Variants in CDC42SE2 observed in about 807,000 individuals in gnomAD.
The protein encoded by CDC42SE2 is CDC42 small effector protein 2.
Under a neutral mutation model 11.5 loss-of-function variants are expected in CDC42SE2, and 3 were observed. The observed-to-expected ratio is 0.26, with a 90% confidence interval of 0.12 to 0.67. The LOEUF is 0.67. Among genes scored for constraint, CDC42SE2 ranks in the 30% least tolerant of loss-of-function variants. The pLI is 0.80. For synonymous variants in CDC42SE2, 33 were observed against 34.8 expected (o/e 0.95, Z 0.18); for missense variants, 82 against 106.8 (o/e 0.77, Z 1.02).
chr5:131,360,326 G>A (rs903889716), intron 3 of CDC42SE2, among the ~76,000 whole-genome samples: 7 of 152,132 alleles, frequency 4.6e-5, no homozygotes, highest in African/African-American at 1.7e-4. Context: ...CACCATGTTG[G>A]TCAGGCTGGT....
chr5:131,267,671 T>G (rs745869921), intron 1 of CDC42SE2, among the ~76,000 whole-genome samples: 2 of 152,182 alleles, frequency 1.3e-5, no homozygotes, highest in Non-Finnish European at 2.9e-5. Flanking sequence ...CCTGTGTAGA[T>G]CATGAGAGTT....
the CDC42SE2 span, among the ~76,000 whole-genome samples, chr5:131,222,433 A>G: frequency 6.6e-6 from 1 of 152,250 alleles, no homozygotes; most frequent in South Asian, 2.1e-4. Flanking sequence ...ACCTGAAATT[A>G]ATTAATATAT....
intron 3 of CDC42SE2, among the ~76,000 whole-genome samples, chr5:131,375,125 A>G (rs1750116094): frequency 6.6e-6 from 1 of 152,040 alleles, no homozygotes; most frequent in Admixed American, 6.5e-5. Context: ...AGAAGGAGAA[A>G]AAAACTGTTT....
chr5:131,248,856 CTTA>C (rs1181385241), intron 1 of CDC42SE2, among the ~76,000 whole-genome samples: 2 of 151,956 alleles, frequency 1.3e-5, no homozygotes, highest in African/African-American at 2.4e-5. Flanking sequence ...TGTAGGAAGA[CTTA>C]TTATTATGAA....
At chr5:131,267,937 T>C (rs1756904925) in intron 1 of CDC42SE2, among the ~76,000 whole-genome samples, 1 of 152,140 alleles carries the variant, frequency 6.6e-6, no homozygotes, top group African/African-American at 2.4e-5. Flanking sequence ...GAAAAATATT[T>C]TAACATTTTA....
chr5:131,372,519 C>T (rs1750039411), intron 3 of CDC42SE2, among the ~76,000 whole-genome samples: 1 of 151,990 alleles, frequency 6.6e-6, no homozygotes, highest in Non-Finnish European at 1.5e-5. Context: ...AAAGACCATC[C>T]TGGCTAACAC....
intron 4 of CDC42SE2, among the ~76,000 whole-genome samples, chr5:131,388,547 A>G (rs30736): frequency 0.23 from 34,527 of 152,084 alleles, 4,236 homozygotes; most frequent in East Asian, 0.49. Flanking sequence ...TAAATATATT[A>G]TTCTTCTACC....
intron 4 of CDC42SE2, 111 bp from the exon 5 acceptor site, chr5:131,390,882 C>T: frequency 3.4e-6 from 2 of 591,444 alleles, no homozygotes; most frequent in Non-Finnish European, 5.7e-6. Context: ...TATAAAAGTA[C>T]CCTTCTGAAA....
At chr5:131,387,860 C>G (rs186856626) in intron 4 of CDC42SE2, among the ~76,000 whole-genome samples, 1 of 152,174 alleles carries the variant, frequency 6.6e-6, no homozygotes, top group East Asian at 1.9e-4. Context: ...TATTTCAGCC[C>G]TTTAGAGCTA....
At position 131,392,522 on chromosome 5, in the gene CDC42SE2, TTTGATTGA is replaced by T. The variant is rs140214993; in HGVS notation, c.*1438_*1445del. The T allele has an allele frequency of 6.6e-6, 1 of 152,294 alleles. No individual in the cohort carries two copies. Among genetic ancestry groups the T allele is most frequent in the Non-Finnish European group, 1.5e-5 (1 of 68,018 alleles). The allele number at this position is 152,294 out of a possible 1,614,324, so 9.4% of individuals were successfully genotyped here. A position where few individuals can be genotyped will look rare whatever the true frequency, so the allele number is the denominator to read the frequency against. On this transcript the variant is annotated 3_prime_UTR_variant, in exon 5 of 5. Coordinates refer to ENST00000505065, the MANE Select transcript of CDC42SE2 (RefSeq NM_001375635.1). Reference sequence around the variant, plus strand: ...TTTAGAAGTATGACCTTTTGGTCTGTTTGATTGATTGATTAGAATTGCAATAAAAGAAA... The same window carrying T: ...TTTAGAAGTATGACCTTTTGGTCTGTTTGATTAGAATTGCAATAAAAGAAA...
At chr5:131,310,214 C>T (rs1309675236) in intron 1 of CDC42SE2, among the ~76,000 whole-genome samples, 4 of 151,912 alleles carry the variant, frequency 2.6e-5, no homozygotes, top group African/African-American at 9.7e-5. Context: ...ACCCAGTAGT[C>T]ATTCAGGAGC....
chr5:131,363,103 C>T (rs540655411), intron 3 of CDC42SE2, among the ~76,000 whole-genome samples: 19 of 151,818 alleles, frequency 1.3e-4, no homozygotes, highest in South Asian at 2.1e-4. Flanking sequence ...GAGATTGCGC[C>T]GCTGTGCTCC....
At chr5:131,251,729 A>G (rs916152624) in intron 1 of CDC42SE2, among the ~76,000 whole-genome samples, 3 of 152,154 alleles carry the variant, frequency 2.0e-5, no homozygotes, top group African/African-American at 7.2e-5. Flanking sequence ...AAAATAAACC[A>G]GGGGCTGGGT....
At chr5:131,380,764 A>G (rs547375154) in intron 3 of CDC42SE2, among the ~76,000 whole-genome samples, 181 of 152,236 alleles carry the variant, frequency 1.2e-3, no homozygotes, top group African/African-American at 4.3e-3. Flanking sequence ...GAAAAATTCA[A>G]TCTGTTCTCA....
chr5:131,391,846 A>ATATT lies in CDC42SE2; in HGVS notation c.*757_*760dup, dbSNP rs1158466216. ...TTTTATAGGGTTATTGTGAATTTCTATATTTTCTCTGTCCACTATTCTGTA... is the reference window on the plus strand; with the variant it reads ...TTTTATAGGGTTATTGTGAATTTCTATATTTATTTTCTCTGTCCACTATTCTGTA... On this transcript the variant is annotated 3_prime_UTR_variant, in exon 5 of 5. Transcript: ENST00000505065. The ATATT allele has an allele frequency of 6.6e-6, 1 of 152,246 alleles. No individual in the cohort carries two copies. The highest frequency in any genetic ancestry group is 1.5e-5 in the Non-Finnish European group (1 of 68,040). 9.4% of individuals were successfully genotyped at this position (152,246 alleles called of 1,614,324 possible). A position where few individuals can be genotyped will look rare whatever the true frequency, so the allele number is the denominator to read the frequency against.
intron 1 of CDC42SE2, among the ~76,000 whole-genome samples, chr5:131,276,076 T>C (rs1757094062): frequency 6.6e-6 from 1 of 151,970 alleles, no homozygotes; most frequent in South Asian, 2.1e-4. Flanking sequence ...TGTGAAGTTC[T>C]GGTATTTCAT....
the CDC42SE2 span, among the ~76,000 whole-genome samples, chr5:131,237,427 G>T: frequency 2.6e-5 from 4 of 151,986 alleles, no homozygotes; most frequent in Admixed American, 2.6e-4. Context: ...GTTCTTCTGG[G>T]TTGCCTTTCT....
intron 2 of CDC42SE2, among the ~76,000 whole-genome samples, chr5:131,350,925 A>T (rs974919427): frequency 2.6e-5 from 4 of 151,996 alleles, no homozygotes; most frequent in Admixed American, 6.6e-5. Context: ...AAGTAGACTG[A>T]ATGTTACTCA....
chr5:131,316,953 C>A (rs973130956), intron 2 of CDC42SE2, among the ~76,000 whole-genome samples: 1 of 152,138 alleles, frequency 6.6e-6, no homozygotes, highest in Non-Finnish European at 1.5e-5. Flanking sequence ...TTCTTTGTAG[C>A]CCCTTACAAG....
Sources: allele counts gnomAD v4.1 joint callset (sites outside exome capture counted in the v4.1 genomes callset), GRCh38; gene constraint gnomAD v4.1.1; transcripts MANE v1.5; gene names NCBI Gene and HGNC (gene_info 2026-07-23, HGNC 2026-07-21).